KDM4D: variants seen among roughly 807,000 people sequenced by gnomAD.
KDM4D encodes lysine demethylase 4D.
For missense variants in KDM4D, 427 were observed against 674.8 expected (o/e 0.63, Z 4.07); for synonymous variants, 254 against 249.1 (o/e 1.02, Z -0.19).
intron 2 of KDM4D, among the ~76,000 whole-genome samples, chr11:94,977,376 C>T (rs1276271319): frequency 6.6e-6 from 1 of 152,176 alleles, no homozygotes; most frequent in African/African-American, 2.4e-5. Flanking sequence ...CTATGGTCTA[C>T]CCTTTCCCCT....
Position 94,997,251 on chromosome 11 carries a change from T to A in KDM4D, c.-122T>A. ...ATCATCTCATTTGCAAAAAAAAAAG[T>A]ACGCTGGTAGATCCTGCTACCTCAT... On this transcript the variant is annotated 5_prime_UTR_variant, in exon 3 of 3. Transcript: ENST00000335080. 4.8e-6 allele frequency: 3 copies of A among 618,868 alleles called. No homozygotes were observed. Among genetic ancestry groups the A allele is most frequent in the Non-Finnish European group, 5.2e-6 (2 of 387,330 alleles). The allele number at this position is 618,868 out of a possible 1,614,324, so 38.3% of individuals were successfully genotyped here.
rs144207027 is a variant in KDM4D at position 94,998,520 on chromosome 11, G to A, written c.1148G>A (p.Arg383Gln). The A allele has an allele frequency of 2.4e-5, 39 of 1,612,482 alleles. No homozygotes were observed. The highest frequency in any genetic ancestry group is 2.4e-4 in the African/African-American group (18 of 75,018). Residue 383 changes from arginine (R) to glutamine (Q), a missense_variant, in exon 3 of 3, where the codon CGG becomes CAG. Physicochemically the swap from Arg to Gln is conservative, Grantham distance 43. Transcript: ENST00000335080. The surrounding 1 kb of genome is among the most constrained non-coding windows in gnomAD (Gnocchi z 6.7). ...GLRQLPSHWA[R>Q]HSPWPMAARS... ...AGACAACTCCCTTCCCACTGGGCCC[G>A]GCATTCCCCTTGGCCTATGGCTGCC...
chr11:94,999,031 A>G lies in KDM4D; in HGVS notation c.*87A>G. 7.5e-7 allele frequency: 1 copy of G among 1,329,976 alleles called. No individual in the cohort carries two copies. The highest frequency in any genetic ancestry group is 2.8e-4 in the Middle Eastern group (1 of 3,610). 82.4% of individuals were successfully genotyped at this position (1,329,976 alleles called of 1,614,324 possible). A position where few individuals can be genotyped will look rare whatever the true frequency, so the allele number is the denominator to read the frequency against. ...CATTTACATCCCAAAACTTTGGTTG[A>G]GTTTGCAGGACTCTAGGCATGCATG... On this transcript the variant is annotated 3_prime_UTR_variant, in exon 3 of 3. Coordinates refer to ENST00000335080, the MANE Select transcript of KDM4D (RefSeq NM_018039.3).
chr11:94,985,458 C>T (rs991068556), intron 2 of KDM4D, among the ~76,000 whole-genome samples: 5 of 152,040 alleles, frequency 3.3e-5, no homozygotes, highest in African/African-American at 1.2e-4. Flanking sequence ...AAAGACATTC[C>T]ATGTCAATGG....
chr11:94,998,991 T>G lies in KDM4D; in HGVS notation c.*47T>G. On this transcript the variant is annotated 3_prime_UTR_variant, in exon 3 of 3. Transcript: ENST00000335080. The surrounding 1 kb of genome is among the most constrained non-coding windows in gnomAD (Gnocchi z 6.7). ...CCCACTGCCCTGCTGTGTGACAGTT[T>G]GATGAAACTGGTTACATTTACATCC... The G allele has an allele frequency of 1.4e-6, 2 of 1,459,160 alleles. No homozygotes were observed. The highest frequency in any genetic ancestry group is 2.8e-5 in the African/African-American group (2 of 71,130). 90.4% of individuals were successfully genotyped at this position (1,459,160 alleles called of 1,614,324 possible).
chr11:94,976,612 T>C (rs1160188356), intron 2 of KDM4D, among the ~76,000 whole-genome samples: 3 of 152,320 alleles, frequency 2.0e-5, no homozygotes, highest in Non-Finnish European at 4.4e-5. Flanking sequence ...ATCATTTTTA[T>C]CAGCTTTTGG....
At position 94,997,239 on chromosome 11, in the gene KDM4D, C is replaced by CA. The variant is rs11371511; in HGVS notation, c.-124dup. 0.78 allele frequency: 323,290 copies of CA among 414,868 alleles called. 116,347 individuals carry two copies. Among genetic ancestry groups the CA allele is most frequent in the Admixed American group, 0.86 (21,316 of 24,660 alleles). The allele number at this position is 414,868 out of a possible 1,614,324, so 25.7% of individuals were successfully genotyped here. ...CCAAGAAAGATTATCATCTCATTTG[C>CA]AAAAAAAAAAGTACGCTGGTAGATC... On this transcript the variant is annotated 5_prime_UTR_variant, in exon 3 of 3. Transcript: ENST00000335080.
Position 94,994,769 on chromosome 11 carries a change from G to A in KDM4D, c.-349-2255G>A, listed in dbSNP as rs587759403. ...GAACAATGTCAGTAGAAAGGTGGGG[G>A]CAGGACCTGGGGTTGGGTGGGAGAG... On this transcript the variant is annotated intron_variant, in intron 2 of 2. Transcript: ENST00000335080. Among the ~76,000 whole-genome samples the A allele has an allele frequency of 3.3e-5, 5 of 151,778 alleles. No homozygotes were observed. The South Asian group carries it at 8.4e-4, about 25-fold the overall frequency.
chr11:94,995,962 T>G (rs1186740185), intron 2 of KDM4D, among the ~76,000 whole-genome samples: 1 of 152,166 alleles, frequency 6.6e-6, no homozygotes. Context: ...TCATGCTAGA[T>G]TGGTCCATGT....
chr11:94,999,402 G>T lies in KDM4D; in HGVS notation c.*458G>T, dbSNP rs1555099731. The T allele has an allele frequency of 6.0e-6, 1 of 167,560 alleles. No homozygotes were observed. Among genetic ancestry groups the T allele is most frequent in the African/African-American group, 2.4e-5 (1 of 41,406 alleles). The allele number at this position is 167,560 out of a possible 1,614,324, so 10.4% of individuals were successfully genotyped here. On this transcript the variant is annotated 3_prime_UTR_variant, in exon 3 of 3. Coordinates refer to ENST00000335080, the MANE Select transcript of KDM4D (RefSeq NM_018039.3). ...AAACTAGGTTCTTTATACAGATAAG[G>T]TCAGTAGAGTTCCAGAATAAAAGAT...
At chr11:94,977,225 G>A (rs1264812769) in intron 2 of KDM4D, among the ~76,000 whole-genome samples, 4 of 152,166 alleles carry the variant, frequency 2.6e-5, no homozygotes, top group Non-Finnish European at 5.9e-5. Flanking sequence ...TACAGCATCC[G>A]ATTGGCAACA....
intron 2 of KDM4D, among the ~76,000 whole-genome samples, chr11:94,979,805 G>T (rs1351332445): frequency 6.6e-6 from 1 of 152,162 alleles, no homozygotes; most frequent in Non-Finnish European, 1.5e-5. Flanking sequence ...AAAGGTGCAT[G>T]TGTGTGCATT....
At chr11:94,977,946 T>C (rs1857811282) in intron 2 of KDM4D, among the ~76,000 whole-genome samples, 1 of 152,190 alleles carries the variant, frequency 6.6e-6, no homozygotes, top group African/African-American at 2.4e-5. Context: ...TGTTCTGTTG[T>C]AAAAAGTTAT....
In KDM4D at chr11:94,998,524, T is replaced by C; in HGVS notation, c.1152T>C (p.His384=). The C allele has an allele frequency of 6.2e-7, 1 of 1,612,804 alleles. No individual in the cohort carries two copies. Among genetic ancestry groups the C allele is most frequent in the Non-Finnish European group, 8.5e-7 (1 of 1,179,992 alleles). ...AACTCCCTTCCCACTGGGCCCGGCA[T>C]TCCCCTTGGCCTATGGCTGCCCGCA... ...LRQLPSHWAR[H]SPWPMAARSG... The change falls in exon 3 of 3, where the codon CAT becomes CAC. Residue 384 remains histidine (H), a synonymous_variant. Transcript: ENST00000335080. The surrounding 1 kb of genome is among the most constrained non-coding windows in gnomAD (Gnocchi z 6.7).
At chr11:94,979,600 A>C (rs1857827656) in intron 2 of KDM4D, among the ~76,000 whole-genome samples, 1 of 152,174 alleles carries the variant, frequency 6.6e-6, no homozygotes, top group Non-Finnish European at 1.5e-5. Context: ...CAAAATGTTT[A>C]TGTAAATGAA....
chr11:94,985,067 T>G (rs1454803849), intron 2 of KDM4D, among the ~76,000 whole-genome samples: 1 of 152,226 alleles, frequency 6.6e-6, no homozygotes, highest in Non-Finnish European at 1.5e-5. Flanking sequence ...GAGCAAGATT[T>G]TTAATGGATA....
At position 94,998,913 on chromosome 11, in the gene KDM4D, C is replaced by A. The variant is rs782103673; in HGVS notation, c.1541C>A (p.Ala514Asp). The A allele has an allele frequency of 2.6e-6, 4 of 1,513,446 alleles. No homozygotes were observed. The highest frequency in any genetic ancestry group is 3.5e-6 in the Non-Finnish European group (4 of 1,130,900). The allele number at this position is 1,513,446 out of a possible 1,614,324, so 93.8% of individuals were successfully genotyped here. A position where few individuals can be genotyped will look rare whatever the true frequency, so the allele number is the denominator to read the frequency against. Residue 514 changes from alanine (A) to aspartate (D), a missense_variant, in exon 3 of 3, where the codon GCT becomes GAT. Physicochemically the swap from Ala to Asp is moderately radical, Grantham distance 126. Transcript: ENST00000335080. This position sits in a 1 kb window ranked among gnomAD's most constrained non-coding sequence, Gnocchi z 6.7. ...CCAGGGCTCCAGCATCCTGTCAAGG[C>A]TTCTGGGTGCAGCTGGGCCCCTGTG... Reference protein sequence around the residue: ...LSPGLQHPVKASGCSWAPVP With the variant: ...LSPGLQHPVKDSGCSWAPVP
intron 2 of KDM4D, among the ~76,000 whole-genome samples, chr11:94,977,151 A>T (rs369621986): frequency 4.6e-5 from 7 of 152,246 alleles, no homozygotes; most frequent in Non-Finnish European, 1.5e-5. Flanking sequence ...AAGTCAATAA[A>T]CATGAAAGAC....
At chr11:94,978,772 G>A (rs1034584728) in intron 2 of KDM4D, among the ~76,000 whole-genome samples, 1 of 152,168 alleles carries the variant, frequency 6.6e-6, no homozygotes. Flanking sequence ...TAAAAACCTT[G>A]ATGTAGCAAT....
Sources: gnomAD v4.1 joint callset for allele counts (sites outside exome capture counted in the v4.1 genomes callset) on GRCh38, gnomAD v4.1.1 for gene constraint, Gnocchi (gnomAD v3.1) non-coding constraint, MANE v1.5 for transcripts, NCBI Gene and HGNC (gene_info 2026-07-23, HGNC 2026-07-21) for gene names.